The following TBC1D22A variants were observed in gnomAD, a reference collection of about 807,000 sequenced individuals.
TBC1D22A encodes putative GTPase activator.
In TBC1D22A, 38 loss-of-function variants were observed where a neutral mutation model predicts 60.2. The ratio of observed to expected loss-of-function variants is 0.63; its 90% CI spans 0.49 to 0.83. The LOEUF (loss-of-function observed/expected upper bound fraction) is 0.83. TBC1D22A is among the 40% of genes least tolerant of loss of function. The probability of loss-of-function intolerance (pLI) is 0.00; values close to 1 mark genes in which losing one functional copy is unlikely to be tolerated. For synonymous variants in TBC1D22A, 302 were observed against 281.7 expected, an observed-to-expected ratio of 1.07 and a Z score of -0.72; for missense variants, 628 against 701.0, an observed-to-expected ratio of 0.90 and a Z score of 1.18.
chr22:47,093,066 G>T (rs2073544666), intron 11 of TBC1D22A, among the ~76,000 whole-genome samples: 1 of 152,236 alleles, frequency 6.6e-6, no homozygotes, highest in Non-Finnish European at 1.5e-5. Flanking sequence ...TTGCAACTTA[G>T]TGGCAGCTCT....
At chr22:47,051,733 T>C (rs1603180650) in intron 11 of TBC1D22A, among the ~76,000 whole-genome samples, 2 of 152,204 alleles carry the variant, frequency 1.3e-5, no homozygotes, top group Admixed American at 6.5e-5. Context: ...GCCCCAGGAC[T>C]GCTCCTCTCC....
chr22:46,902,965 G>C (rs965312773), intron 7 of TBC1D22A, among the ~76,000 whole-genome samples: 1 of 151,038 alleles, frequency 6.6e-6, no homozygotes, highest in African/African-American at 2.5e-5. Context: ...GAAAGAATTG[G>C]AGAAGACAGC....
At chr22:47,118,049 G>A (rs2066132670) in intron 12 of TBC1D22A, among the ~76,000 whole-genome samples, 5 of 152,106 alleles carry the variant, frequency 3.3e-5, no homozygotes, top group African/African-American at 1.2e-4. Context: ...CTTGAACCTG[G>A]GAGGCTGAGG....
At chr22:47,020,538 G>C (rs975205387) in intron 10 of TBC1D22A, among the ~76,000 whole-genome samples, 39 of 139,048 alleles carry the variant, frequency 2.8e-4, no homozygotes, top group Non-Finnish European at 4.9e-4. Context: ...GTGTGGCACT[G>C]TCTGTCAACC....
intron 11 of TBC1D22A, among the ~76,000 whole-genome samples, chr22:47,085,138 G>A (rs1204499828): frequency 2.6e-5 from 4 of 152,136 alleles, no homozygotes; most frequent in Non-Finnish European, 5.9e-5. Flanking sequence ...AAAATTAGCC[G>A]GATATGGTGG....
intron 1 of TBC1D22A, among the ~76,000 whole-genome samples, chr22:46,780,419 A>G (rs2083886722): frequency 6.6e-6 from 1 of 151,156 alleles, no homozygotes; most frequent in African/African-American, 2.4e-5. Context: ...ATTTTCACCT[A>G]CTGCTGTTTA....
At chr22:46,893,193 T>C (rs1376597296) in intron 6 of TBC1D22A, among the ~76,000 whole-genome samples, 2 of 152,238 alleles carry the variant, frequency 1.3e-5, no homozygotes, top group African/African-American at 2.4e-5. Context: ...GATTTTTATG[T>C]GCTCACTCTT....
chr22:47,173,999 C>T lies in TBC1D22A; in HGVS notation c.*373C>T, dbSNP rs948846728. On this transcript the variant is annotated 3_prime_UTR_variant, in exon 13 of 13. Transcript: ENST00000337137. ...AGTCCTGCTGTCTGGGTGCCAGGGCCGGAACGAGGTAGTGGCCATCTCATA... is the reference window on the plus strand; with the variant it reads ...AGTCCTGCTGTCTGGGTGCCAGGGCTGGAACGAGGTAGTGGCCATCTCATA... 2.9e-5 allele frequency: 6 copies of T among 206,914 alleles called. No homozygotes were observed. Among genetic ancestry groups the T allele is most frequent in the East Asian group, 1.3e-4 (1 of 7,796 alleles). The allele number at this position is 206,914 out of a possible 1,614,324, so 12.8% of individuals were successfully genotyped here. A position where few individuals can be genotyped will look rare whatever the true frequency, so the allele number is the denominator to read the frequency against.
chr22:47,075,409 G>A (rs577872357), intron 11 of TBC1D22A, among the ~76,000 whole-genome samples: 16 of 152,234 alleles, frequency 1.1e-4, no homozygotes, highest in African/African-American at 3.6e-4. Flanking sequence ...TCAGCCAGGT[G>A]AGGGGGCCCA....
At chr22:46,971,855 C>T (rs2074074958) in intron 8 of TBC1D22A, among the ~76,000 whole-genome samples, 1 of 152,234 alleles carries the variant, frequency 6.6e-6, no homozygotes, top group African/African-American at 2.4e-5. Flanking sequence ...GTGCTCAGGT[C>T]AACCCGGGCT....
intron 11 of TBC1D22A, among the ~76,000 whole-genome samples, chr22:47,043,047 G>A (rs2062902685): frequency 6.6e-6 from 1 of 152,198 alleles, no homozygotes; most frequent in Non-Finnish European, 1.5e-5. Flanking sequence ...GTTGGGCCCT[G>A]TTCTCAGCCC....
In TBC1D22A at chr22:47,009,708, T is replaced by C. The variant is rs577173263; in HGVS notation, c.1201+11999T>C. On this transcript the variant is annotated intron_variant, in intron 10 of 12. Transcript: ENST00000337137. This position sits in a 1 kb window ranked among gnomAD's most constrained non-coding sequence, Gnocchi z 5.8. ...CATTTCATCACCATCACCACCACCA[T>C]CATCATCACTATCACCATCATTTCC... Among the ~76,000 whole-genome samples, 584 of 152,296 alleles carry C rather than the reference T, an allele frequency of 3.8e-3. 3 individuals are homozygous for C. The highest frequency in any genetic ancestry group is 0.013 in the African/African-American group (556 of 41,564).
chr22:47,140,447 T>C (rs533530111), intron 12 of TBC1D22A, among the ~76,000 whole-genome samples: 2 of 151,076 alleles, frequency 1.3e-5, no homozygotes, highest in East Asian at 3.9e-4. Context: ...TAGTCCCAGC[T>C]ACTGGGGAGG....
At chr22:47,002,451 T>C (rs1035483752) in intron 10 of TBC1D22A, among the ~76,000 whole-genome samples, 1 of 152,238 alleles carries the variant, frequency 6.6e-6, no homozygotes, top group Admixed American at 6.5e-5. Context: ...TCATGCATCT[T>C]TTGTGACATA....
intron 11 of TBC1D22A, among the ~76,000 whole-genome samples, chr22:47,041,506 G>T (rs187596223): frequency 1.3e-5 from 2 of 152,334 alleles, no homozygotes; most frequent in Non-Finnish European, 2.9e-5. Context: ...TTCTATACAT[G>T]GAGGCTCTAG....
intron 1 of TBC1D22A, among the ~76,000 whole-genome samples, chr22:46,790,495 C>T (rs1248565701): frequency 6.6e-6 from 1 of 152,190 alleles, no homozygotes; most frequent in Non-Finnish European, 1.5e-5. Context: ...GGCCGTTATT[C>T]TGCTGACCAC....
At chr22:47,070,529 G>A (rs557805770) in intron 11 of TBC1D22A, among the ~76,000 whole-genome samples, 21 of 150,050 alleles carry the variant, frequency 1.4e-4, no homozygotes, top group African/African-American at 5.1e-4. Flanking sequence ...TGACCTGACT[G>A]TTCCAGGCTG....
intron 12 of TBC1D22A, among the ~76,000 whole-genome samples, chr22:47,134,105 T>C (rs2066774833): frequency 6.6e-6 from 1 of 152,208 alleles, no homozygotes; most frequent in Non-Finnish European, 1.5e-5. Flanking sequence ...TGGCGTCTCT[T>C]CCCTTGCACG....
At chr22:46,903,261 TGCAGGCGAAGGG>T (rs2069141539) in intron 7 of TBC1D22A, among the ~76,000 whole-genome samples, 1 of 152,132 alleles carries the variant, frequency 6.6e-6, no homozygotes, top group Non-Finnish European at 1.5e-5. Flanking sequence ...CATCCCAGGC[TGCAGGCGAAGGG>T]GCTCCCCTTC....
Sources: allele counts gnomAD v4.1 joint callset (sites outside exome capture counted in the v4.1 genomes callset), GRCh38; gene constraint gnomAD v4.1.1; non-coding constraint Gnocchi (gnomAD v3.1); transcripts MANE v1.5; gene names NCBI Gene and HGNC (gene_info 2026-07-23, HGNC 2026-07-21).